Variants in CCL28 observed in about 807,000 individuals in gnomAD.
The protein encoded by CCL28 is C-C motif chemokine ligand 28.
In CCL28, 4 loss-of-function variants were observed where a neutral mutation model predicts 7.1. That is an observed-to-expected ratio of 0.56 (90% CI 0.28 to 1.29). The LOEUF (loss-of-function observed/expected upper bound fraction) is 1.29, where lower values mean the gene tolerates loss of function less well. Ranked by LOEUF, CCL28 falls within the 50% of genes most tolerant of loss-of-function variation. CCL28 has a pLI of 0.11. For missense variants in CCL28, 151 were observed against 163.4 expected, an observed-to-expected ratio of 0.92 and a Z score of 0.41; for synonymous variants, 55 against 57.8, an observed-to-expected ratio of 0.95 and a Z score of 0.22.
intron 1 of CCL28, among the ~76,000 whole-genome samples, chr5:43,405,669 A>T (rs894563869): frequency 3.3e-5 from 5 of 152,246 alleles, no homozygotes; most frequent in South Asian, 2.1e-4. Flanking sequence ...GAGGAGATAG[A>T]CAAACAAAAA....
At chr5:43,367,953 G>T in the CCL28 span, among the ~76,000 whole-genome samples, 1 of 152,306 alleles carries the variant, frequency 6.6e-6, no homozygotes, top group South Asian at 2.1e-4. Context: ...GAACTGCCAT[G>T]AAGTTAAGCA....
the CCL28 span, among the ~76,000 whole-genome samples, chr5:43,357,444 A>T: frequency 3.3e-5 from 5 of 152,314 alleles, no homozygotes; most frequent in African/African-American, 1.2e-4. Context: ...GACACCATTC[A>T]GGATAGTGAA....
downstream of CCL28, among the ~76,000 whole-genome samples, chr5:43,377,778 G>C (rs1349904427): frequency 8.5e-6 from 1 of 117,586 alleles, no homozygotes; most frequent in Non-Finnish European, 1.6e-5. Context: ...TGTCGCCCAG[G>C]CTGGAGTGCA....
the CCL28 span, among the ~76,000 whole-genome samples, chr5:43,363,309 G>A: frequency 6.6e-6 from 1 of 152,170 alleles, no homozygotes. Context: ...ATACAAGATA[G>A]TGGGCTAGGC....
At chr5:43,385,658 ATTAAAT>A (rs1740308122) in intron 2 of CCL28, among the ~76,000 whole-genome samples, 1 of 152,218 alleles carries the variant, frequency 6.6e-6, no homozygotes, top group Non-Finnish European at 1.5e-5. Context: ...ATACTACAGA[ATTAAAT>A]TTAATTTTAT....
At chr5:43,374,557 C>A (rs866798083), downstream of CCL28, among the ~76,000 whole-genome samples, 1 of 151,964 alleles carries the variant, frequency 6.6e-6, no homozygotes, top group Non-Finnish European at 1.5e-5. Flanking sequence ...CCAAGGCGGG[C>A]GGATCACGAG....
At chr5:43,360,758 C>G in the CCL28 span, among the ~76,000 whole-genome samples, 1 of 151,992 alleles carries the variant, frequency 6.6e-6, no homozygotes, top group Admixed American at 6.6e-5. Context: ...CATCCTTTGC[C>G]CACTTTCTAA....
downstream of CCL28, chr5:43,376,665 G>A (rs1739893244): frequency 6.6e-6 from 1 of 152,260 alleles, no homozygotes; most frequent in African/African-American, 2.4e-5. Context: ...AGAGTTTAAT[G>A]ATTACATGGT....
At chr5:43,367,811 T>C in the CCL28 span, among the ~76,000 whole-genome samples, 1 of 152,390 alleles carries the variant, frequency 6.6e-6, no homozygotes, top group East Asian at 1.9e-4. Context: ...TGTTCCTATT[T>C]GGCTATCTTG....
At chr5:43,410,075 A>G (rs1741472475) in intron 1 of CCL28, among the ~76,000 whole-genome samples, 1 of 152,248 alleles carries the variant, frequency 6.6e-6, no homozygotes, top group Non-Finnish European at 1.5e-5. Context: ...TTCTGCCTCA[A>G]GGAAACAAAA....
At chr5:43,388,227 C>A in intron 2 of CCL28, 123 bp downstream of exon 2, 1 of 1,247,510 alleles carries the variant, frequency 8.0e-7, no homozygotes, top group Non-Finnish European at 1.1e-6. Flanking sequence ...ATTTACTCTT[C>A]CCTCCCTTGT....
rs560787690 is a variant in CCL28 at position 43,381,693 on chromosome 5, T to C, written c.*167A>G. Reference sequence around the variant, plus strand: ...CTTTTCATTTCATTTTCCAGTTGAGTATATTATTGGCTACATTTGCATACC... The same window carrying C: ...CTTTTCATTTCATTTTCCAGTTGAGCATATTATTGGCTACATTTGCATACC... On this transcript the variant is annotated 3_prime_UTR_variant, in exon 3 of 3. Coordinates refer to ENST00000361115, the MANE Select transcript of CCL28 (RefSeq NM_148672.3). The C allele has an allele frequency of 1.0e-5, 6 of 597,274 alleles. No homozygotes were observed. Among genetic ancestry groups the C allele is most frequent in the East Asian group, 5.6e-5 (2 of 35,572 alleles). The allele number at this position is 597,274 out of a possible 1,614,324, so 37.0% of individuals were successfully genotyped here.
intron 1 of CCL28, among the ~76,000 whole-genome samples, chr5:43,406,399 C>T (rs931778539): frequency 1.3e-5 from 2 of 152,034 alleles, no homozygotes; most frequent in Non-Finnish European, 2.9e-5. Context: ...ACAAAAACCA[C>T]ATGATTATCT....
At chr5:43,383,674 AAAACAAAC>A (rs951921042) in intron 2 of CCL28, among the ~76,000 whole-genome samples, 3 of 152,168 alleles carry the variant, frequency 2.0e-5, no homozygotes, top group Admixed American at 6.5e-5. Flanking sequence ...GTAGGAAACA[AAAACAAAC>A]AAACAAACAA....
At chr5:43,370,005 A>AT in the CCL28 span, among the ~76,000 whole-genome samples, 1 of 152,170 alleles carries the variant, frequency 6.6e-6, no homozygotes, top group African/African-American at 2.4e-5. Context: ...AGATCCTGTG[A>AT]TCCCAGCACC....
chr5:43,363,599 C>T, the CCL28 span, among the ~76,000 whole-genome samples: 1 of 152,194 alleles, frequency 6.6e-6, no homozygotes, highest in Admixed American at 6.5e-5. Context: ...TGGTGTCAAG[C>T]CCGAGTGACC....
intron 1 of CCL28, among the ~76,000 whole-genome samples, chr5:43,403,894 G>T (rs1235471797): frequency 6.6e-6 from 1 of 152,172 alleles, no homozygotes. Flanking sequence ...TCGACCAACT[G>T]GAAGGAAGGG....
chr5:43,384,525 C>T (rs1347141326), intron 2 of CCL28, among the ~76,000 whole-genome samples: 1 of 152,196 alleles, frequency 6.6e-6, no homozygotes, highest in South Asian at 2.1e-4. Flanking sequence ...GCCTATTCCA[C>T]ATTCCTTCCC....
chr5:43,409,040 G>C (rs1041637890), intron 1 of CCL28, among the ~76,000 whole-genome samples: 1 of 152,030 alleles, frequency 6.6e-6, no homozygotes. Context: ...CAGGCAGCGA[G>C]GCCAAGGCAG....
Sources: gnomAD v4.1 joint callset for allele counts (sites outside exome capture counted in the v4.1 genomes callset) on GRCh38, gnomAD v4.1.1 for gene constraint, MANE v1.5 for transcripts, NCBI Gene and HGNC (gene_info 2026-07-23, HGNC 2026-07-21) for gene names.